Variants in GALNT13 observed in about 807,000 individuals in gnomAD.
The protein encoded by GALNT13 is polypeptide N-acetylgalactosaminyltransferase 13.
Under a neutral mutation model 64.2 loss-of-function variants are expected in GALNT13, and 28 were observed. The observed-to-expected ratio is 0.44, with a 90% CI of 0.32 to 0.60. The LOEUF (loss-of-function observed/expected upper bound fraction) is 0.60, where lower values mean the gene tolerates loss of function less well. Among genes scored for constraint, GALNT13 ranks in the 20% least tolerant of loss-of-function variants. The probability of loss-of-function intolerance (pLI) is 0.05; values close to 1 mark genes in which losing one functional copy is unlikely to be tolerated. For missense variants in GALNT13, 577 were observed against 669.8 expected (o/e 0.86, Z 1.53); for synonymous variants, 214 against 224.6 (o/e 0.95, Z 0.42).
the GALNT13 span, among the ~76,000 whole-genome samples, chr2:153,178,911 A>T: frequency 7.0e-6 from 1 of 142,924 alleles, no homozygotes; most frequent in African/African-American, 2.6e-5. Flanking sequence ...GTTTTTTGGT[A>T]TTTTTTTTTT....
At chr2:154,287,481 T>C in intron 8 of GALNT13, 1 of 331,612 alleles carries the variant, frequency 3.0e-6, no homozygotes, top group Non-Finnish European at 5.9e-6. Flanking sequence ...CAGTGATTCT[T>C]AACAATGCTT....
At chr2:153,106,089 C>G in the GALNT13 span, among the ~76,000 whole-genome samples, 1 of 152,156 alleles carries the variant, frequency 6.6e-6, no homozygotes, top group East Asian at 1.9e-4. Flanking sequence ...CACAGACACT[C>G]AGAAGGGTTA....
the GALNT13 span, among the ~76,000 whole-genome samples, chr2:153,275,775 G>A: frequency 3.7e-4 from 56 of 152,072 alleles, 1 homozygote; most frequent in East Asian, 8.5e-3. Context: ...ATAGTCTTAT[G>A]TACAATTGTC....
chr2:153,702,070 G>A, the GALNT13 span, among the ~76,000 whole-genome samples: 1 of 152,002 alleles, frequency 6.6e-6, no homozygotes, highest in Non-Finnish European at 1.5e-5. Flanking sequence ...GCAAAGACAT[G>A]GAAACAACTT....
At chr2:154,003,224 C>T (rs553901722) in intron 3 of GALNT13, among the ~76,000 whole-genome samples, 31 of 152,284 alleles carry the variant, frequency 2.0e-4, no homozygotes, top group African/African-American at 6.7e-4. Context: ...TCATTGAGCC[C>T]TGTTGGCCCT....
intron 3 of GALNT13, among the ~76,000 whole-genome samples, chr2:154,115,003 T>C (rs1574527718): frequency 6.6e-6 from 1 of 152,200 alleles, no homozygotes; most frequent in Non-Finnish European, 1.5e-5. Context: ...ATCTGACATA[T>C]GGAGAAGAGC....
the GALNT13 span, among the ~76,000 whole-genome samples, chr2:153,799,012 T>C: frequency 2.6e-5 from 4 of 152,244 alleles, no homozygotes; most frequent in South Asian, 8.3e-4. Flanking sequence ...TGTTTACTAG[T>C]TCTAATAGGT....
chr2:154,078,011 C>T (rs1037250214), intron 3 of GALNT13, among the ~76,000 whole-genome samples: 2 of 151,236 alleles, frequency 1.3e-5, no homozygotes, highest in Non-Finnish European at 3.0e-5. Flanking sequence ...AGTTGTAAAC[C>T]GTGTTGTAGA....
the GALNT13 span, among the ~76,000 whole-genome samples, chr2:153,659,780 G>A: frequency 6.6e-6 from 1 of 152,054 alleles, no homozygotes; most frequent in African/African-American, 2.4e-5. Flanking sequence ...GCTCCACAAG[G>A]AGCAGTAAAT....
At chr2:153,715,094 T>A in the GALNT13 span, among the ~76,000 whole-genome samples, 2 of 152,184 alleles carry the variant, frequency 1.3e-5, no homozygotes, top group Admixed American at 1.3e-4. Flanking sequence ...ACTATCAGCT[T>A]GCAAAGAATA....
At chr2:153,411,410 C>G in the GALNT13 span, among the ~76,000 whole-genome samples, 5 of 151,976 alleles carry the variant, frequency 3.3e-5, no homozygotes. Context: ...AGGAATGGTA[C>G]CTGACCCAGG....
chr2:153,514,129 T>C, the GALNT13 span, among the ~76,000 whole-genome samples: 1 of 152,200 alleles, frequency 6.6e-6, no homozygotes, highest in Non-Finnish European at 1.5e-5. Flanking sequence ...CTTAACACTT[T>C]TATTTTCATC....
At chr2:154,127,678 A>T (rs1215167121) in intron 3 of GALNT13, among the ~76,000 whole-genome samples, 1 of 149,900 alleles carries the variant, frequency 6.7e-6, no homozygotes, top group Non-Finnish European at 1.5e-5. Flanking sequence ...TCATACATAT[A>T]GTCATATATA....
the GALNT13 span, among the ~76,000 whole-genome samples, chr2:153,526,254 G>A: frequency 2.6e-5 from 4 of 152,240 alleles, no homozygotes; most frequent in Admixed American, 1.3e-4. Context: ...GGCAAGACCC[G>A]GTGCTGTGCT....
At chr2:153,199,125 A>G in the GALNT13 span, among the ~76,000 whole-genome samples, 2 of 152,148 alleles carry the variant, frequency 1.3e-5, no homozygotes, top group African/African-American at 4.8e-5. Context: ...GGATCATCCC[A>G]GGTTTCTTGG....
the GALNT13 span, among the ~76,000 whole-genome samples, chr2:153,315,446 GT>G: frequency 6.6e-6 from 1 of 152,152 alleles, no homozygotes; most frequent in Non-Finnish European, 1.5e-5. Context: ...GGGTGAGCAG[GT>G]TTAACCATAT....
chr2:153,182,628 C>G, the GALNT13 span, among the ~76,000 whole-genome samples: 2 of 152,098 alleles, frequency 1.3e-5, no homozygotes, highest in African/African-American at 4.8e-5. Flanking sequence ...ACTGACAGGT[C>G]CCAGAGTGTG....
At chr2:153,345,703 C>CTTTCTTTCTTTCTT in the GALNT13 span, among the ~76,000 whole-genome samples, 2 of 65,774 alleles carry the variant, frequency 3.0e-5, no homozygotes, top group Admixed American at 1.6e-4. Context: ...TTCTTTCTTT[C>CTTTCTTTCTTTCTT]TCTTTCTCTC....
chr2:154,193,901 T>A (rs1278724632), intron 4 of GALNT13, among the ~76,000 whole-genome samples: 1 of 152,144 alleles, frequency 6.6e-6, no homozygotes, highest in Non-Finnish European at 1.5e-5. Context: ...CTGTGAATAT[T>A]AGATGAGTTG....
Sources: allele counts gnomAD v4.1 joint callset (sites outside exome capture counted in the v4.1 genomes callset), GRCh38; gene constraint gnomAD v4.1.1; transcripts MANE v1.5; gene names NCBI Gene and HGNC (gene_info 2026-07-23, HGNC 2026-07-21).